Variants in SHISA9 observed in about 807,000 individuals in gnomAD.
SHISA9 encodes shisa family member 9, also known as protein shisa-9.
In SHISA9, 13 loss-of-function variants were observed where a neutral mutation model predicts 38.0. That is an observed-to-expected ratio of 0.34 (90% CI 0.22 to 0.54). The LOEUF is 0.54. Among genes scored for constraint, SHISA9 ranks in the 20% least tolerant of loss-of-function variants. The pLI is 0.91. For missense variants in SHISA9, 538 were observed against 575.8 expected (o/e 0.93, Z 0.67); for synonymous variants, 275 against 242.0 (o/e 1.14, Z -1.27).
chr16:13,208,112 A>G (rs117389561), intron 3 of SHISA9, among the ~76,000 whole-genome samples: 3,290 of 152,304 alleles, frequency 0.022, 49 homozygotes, highest in Non-Finnish European at 0.03. Context: ...GAGCAGGTCA[A>G]TGAAGCTCTT....
At chr16:13,106,988 C>CTCTCTATCTCTCTA (rs1555462297) in intron 2 of SHISA9, among the ~76,000 whole-genome samples, 1 of 151,592 alleles carries the variant, frequency 6.6e-6, no homozygotes, top group Non-Finnish European at 1.5e-5. Context: ...CTCTCTCTCT[C>CTCTCTATCTCTCTA]TCTCTCTCTC....
the SHISA9 span, among the ~76,000 whole-genome samples, chr16:13,289,490 T>C: frequency 6.6e-6 from 1 of 151,678 alleles, no homozygotes; most frequent in Non-Finnish European, 1.5e-5. Flanking sequence ...CAAAAGTCCT[T>C]GTGCAGAAAG....
the SHISA9 span, among the ~76,000 whole-genome samples, chr16:13,247,015 AAAT>A: frequency 2.0e-5 from 3 of 150,112 alleles, no homozygotes; most frequent in Non-Finnish European, 4.4e-5. Flanking sequence ...AATATAATAA[AAAT>A]AATAATTTGT....
At chr16:13,450,781 G>C in the SHISA9 span, among the ~76,000 whole-genome samples, 2 of 151,978 alleles carry the variant, frequency 1.3e-5, no homozygotes, top group Non-Finnish European at 2.9e-5. Flanking sequence ...TTTTGTTGTT[G>C]TTGTTGTTGT....
the SHISA9 span, among the ~76,000 whole-genome samples, chr16:13,297,038 G>T: frequency 3.4e-4 from 52 of 150,840 alleles, no homozygotes; most frequent in African/African-American, 1.2e-3. Context: ...GCTATCTCAT[G>T]TACCCATTCA....
intron 2 of SHISA9, among the ~76,000 whole-genome samples, chr16:13,011,789 G>T (rs1359910929): frequency 6.6e-6 from 1 of 152,102 alleles, no homozygotes; most frequent in Non-Finnish European, 1.5e-5. Context: ...CCAAAGTGCT[G>T]GGATTACAGG....
Position 13,069,170 on chromosome 16 carries a change from T to C in SHISA9, c.692-134224T>C, listed in dbSNP as rs1257945655. On this transcript the variant is annotated intron_variant, in intron 2 of 4. Transcript: ENST00000558583. ...ATGCATGTATGTGTATATATGTGTG[T>C]ACATGCAATGTGTATATGTGTATAC... Among the ~76,000 whole-genome samples the C allele has an allele frequency of 2.7e-5, 4 of 146,776 alleles. No individual in the cohort carries two copies. In the East Asian group the frequency reaches 5.8e-4, roughly 21 times the overall value.
intron 2 of SHISA9, among the ~76,000 whole-genome samples, chr16:12,971,669 C>T (rs866827453): frequency 3.3e-5 from 5 of 152,264 alleles, no homozygotes; most frequent in African/African-American, 1.2e-4. Context: ...AACGACATAT[C>T]GTACCAGATT....
At chr16:13,057,972 G>A (rs1410354750) in intron 2 of SHISA9, among the ~76,000 whole-genome samples, 5 of 152,266 alleles carry the variant, frequency 3.3e-5, no homozygotes, top group Non-Finnish European at 5.9e-5. Flanking sequence ...TCCTGCAAAG[G>A]ACATGATCTC....
the SHISA9 span, among the ~76,000 whole-genome samples, chr16:13,457,833 A>C: frequency 5.3e-5 from 8 of 152,058 alleles, no homozygotes; most frequent in Admixed American, 1.3e-4. Context: ...TAAATGAATA[A>C]TCACATATGA....
the SHISA9 span, among the ~76,000 whole-genome samples, chr16:13,386,380 T>C: frequency 2.0e-5 from 3 of 152,280 alleles, no homozygotes; most frequent in East Asian, 5.8e-4. Flanking sequence ...TTAATGCGAG[T>C]TCTATGCTGG....
chr16:13,025,158 AT>A, intron 2 of SHISA9, among the ~76,000 whole-genome samples: 1 of 152,234 alleles, frequency 6.6e-6, no homozygotes, highest in Non-Finnish European at 1.5e-5. Flanking sequence ...CACTTATGAC[AT>A]TATTATAATT....
At chr16:13,277,512 A>G in the SHISA9 span, among the ~76,000 whole-genome samples, 2 of 151,896 alleles carry the variant, frequency 1.3e-5, no homozygotes, top group Non-Finnish European at 2.9e-5. Flanking sequence ...ATTTGGCAGT[A>G]TGGTCATTTT....
At chr16:13,069,213 ATG>A (rs1478946224) in intron 2 of SHISA9, among the ~76,000 whole-genome samples, 4 of 151,148 alleles carry the variant, frequency 2.6e-5, no homozygotes, top group Admixed American at 6.6e-5. Flanking sequence ...CATGCATGCA[ATG>A]TGTGTATGTA....
At position 13,203,693 on chromosome 16, in the gene SHISA9, AT is replaced by A. The variant is rs1186283999; in HGVS notation, c.847+145del. On this transcript the variant is annotated intron_variant, in intron 3 of 4. Transcript: ENST00000558583. ...TCTCTTTCTGCTTTTCTCTGCCTCTATCTCATTTTTGTTCTCTCTCTGTCTA... is the reference window on the plus strand; with the variant it reads ...TCTCTTTCTGCTTTTCTCTGCCTCTACTCATTTTTGTTCTCTCTCTGTCTA... The A allele has an allele frequency of 1.8e-5, 16 of 889,672 alleles. No homozygotes were observed. In the African/African-American group the frequency reaches 2.6e-4, roughly 14 times the overall value. The allele number at this position is 889,672 out of a possible 1,614,324, so 55.1% of individuals were successfully genotyped here. A position where few individuals can be genotyped will look rare whatever the true frequency, so the allele number is the denominator to read the frequency against.
chr16:13,444,231 C>T, the SHISA9 span, among the ~76,000 whole-genome samples: 4 of 152,124 alleles, frequency 2.6e-5, no homozygotes, highest in South Asian at 2.1e-4. Context: ...ATTAGCCAGG[C>T]GAGGTGGCAC....
chr16:13,289,493 G>T, the SHISA9 span, among the ~76,000 whole-genome samples: 1 of 151,820 alleles, frequency 6.6e-6, no homozygotes, highest in Non-Finnish European at 1.5e-5. Flanking sequence ...AAGTCCTTGT[G>T]CAGAAAGAAA....
the SHISA9 span, among the ~76,000 whole-genome samples, chr16:13,447,955 T>C: frequency 7.9e-5 from 12 of 152,168 alleles, no homozygotes; most frequent in Non-Finnish European, 1.5e-4. Flanking sequence ...AGGGTGACGA[T>C]CATGTGCTCC....
rs921454939 is a variant in SHISA9, at chr16:13,239,367, G to A, written c.*3958G>A. 3 of 150,952 alleles carry A rather than the reference G, an allele frequency of 2.0e-5. No individual in the cohort carries two copies. Among genetic ancestry groups the A allele is most frequent in the Non-Finnish European group, 3.0e-5 (2 of 67,754 alleles). The allele number at this position is 150,952 out of a possible 1,614,324, so 9.4% of individuals were successfully genotyped here. ...GTATATACCCAGTAATGGGATGGCT[G>A]GGTCAAATGGTATTTCTAGTTCTAG... On this transcript the variant is annotated 3_prime_UTR_variant, in exon 5 of 5. Transcript: ENST00000558583.
Sources: gnomAD v4.1 joint callset for allele counts (sites outside exome capture counted in the v4.1 genomes callset) on GRCh38, gnomAD v4.1.1 for gene constraint, MANE v1.5 for transcripts, NCBI Gene and HGNC (gene_info 2026-07-23, HGNC 2026-07-21) for gene names.